Variants in MBD5 observed in about 807,000 individuals in gnomAD.
MBD5 encodes methyl-CpG-binding domain protein 5.
MBD5 carries 13 observed loss-of-function variants against 117.3 expected under a neutral mutation model. The ratio of observed to expected loss-of-function variants is 0.11; its 90% CI spans 0.07 to 0.18. The LOEUF (loss-of-function observed/expected upper bound fraction) is 0.18. MBD5 is among the 10% of genes least tolerant of loss of function. The pLI is 1.00. For synonymous variants in MBD5, 727 were observed against 766.4 expected (o/e 0.95, Z 0.85); for missense variants, 1,879 against 2,093.8 (o/e 0.90, Z 2.00).
chr2:148,081,231 C>T (rs1443262500), intron 1 of MBD5, among the ~76,000 whole-genome samples: 1 of 152,098 alleles, frequency 6.6e-6, no homozygotes, highest in African/African-American at 2.4e-5. Flanking sequence ...TCATTCCCTC[C>T]AACAGTTTGA....
intron 3 of MBD5, among the ~76,000 whole-genome samples, chr2:148,281,617 T>C (rs1490335701): frequency 6.6e-6 from 1 of 152,194 alleles, no homozygotes; most frequent in Non-Finnish European, 1.5e-5. Context: ...TTGACTTTCT[T>C]AGCTTTAGTT....
chr2:148,243,745 C>A (rs768994966), intron 3 of MBD5: 1 of 152,008 alleles, frequency 6.6e-6, no homozygotes, highest in Non-Finnish European at 1.5e-5. Flanking sequence ...GACCAACGCT[C>A]CAGGCTAGAC....
intron 1 of MBD5, among the ~76,000 whole-genome samples, chr2:148,022,308 G>A (rs1014890460): frequency 2.6e-5 from 4 of 152,034 alleles, no homozygotes; most frequent in Admixed American, 6.5e-5. Flanking sequence ...GTTGGTAGAG[G>A]CCTTTGGTTA....
In MBD5 at chr2:148,184,168, C is replaced by T. The variant is rs567478658; in HGVS notation, c.-831+5375C>T. On this transcript the variant is annotated intron_variant, in intron 2 of 13. Coordinates refer to ENST00000642680, the MANE Select transcript of MBD5 (RefSeq NM_001378120.1). ...CTGGGACTGCAGACACATGCCACCA[C>T]GCCCAGCTAATTTTTGTATTTTTTG... is the stretch of plus-strand genomic sequence containing the variant. Among the ~76,000 whole-genome samples, 14 of 152,054 alleles carry T rather than the reference C, an allele frequency of 9.2e-5. 1 individual carries two copies. Among genetic ancestry groups the T allele is most frequent in the African/African-American group, 2.7e-4 (11 of 41,472 alleles).
At chr2:148,037,947 A>T (rs1278858045) in intron 1 of MBD5, among the ~76,000 whole-genome samples, 2 of 151,976 alleles carry the variant, frequency 1.3e-5, no homozygotes, top group Admixed American at 6.5e-5. Flanking sequence ...CTATTTAGAG[A>T]ATGCAGATAC....
chr2:148,058,120 T>G (rs1284361601), intron 1 of MBD5, among the ~76,000 whole-genome samples: 2 of 152,020 alleles, frequency 1.3e-5, no homozygotes, highest in African/African-American at 4.8e-5. Context: ...CTCCCTACCC[T>G]TTACTTCATT....
chr2:148,228,631 G>A (rs1231231049), intron 2 of MBD5, among the ~76,000 whole-genome samples: 1 of 152,212 alleles, frequency 6.6e-6, no homozygotes, highest in East Asian at 1.9e-4. Flanking sequence ...CATAAAATGA[G>A]TTAGGGAGGA....
chr2:148,249,627 TG>T (rs1700419297), intron 3 of MBD5, among the ~76,000 whole-genome samples: 1 of 152,216 alleles, frequency 6.6e-6, no homozygotes, highest in South Asian at 2.1e-4. Flanking sequence ...GAATTACCAC[TG>T]ATAGTTTTCC....
chr2:148,148,624 C>A lies in MBD5; in HGVS notation c.-924-30076C>A, dbSNP rs185218934. 7.2e-5 allele frequency among the ~76,000 whole-genome samples: 11 copies of A among 152,220 alleles called. No individual in the cohort carries two copies. In the East Asian group the frequency reaches 1.9e-3, roughly 27 times the overall value. ...TATTCTCCCTAGTCCTTTGTCTATT[C>A]CTTTTTAGATGTTTTTGTTCTTCTT... On this transcript the variant is annotated intron_variant, in intron 1 of 13. Transcript: ENST00000642680.
chr2:148,460,926 A>G (rs1273418249), intron 5 of MBD5, among the ~76,000 whole-genome samples: 2 of 152,042 alleles, frequency 1.3e-5, no homozygotes, highest in Non-Finnish European at 1.5e-5. Context: ...TCAACAAGAC[A>G]TTATACTTTT....
intron 1 of MBD5, among the ~76,000 whole-genome samples, chr2:148,136,974 C>G (rs1162943865): frequency 6.6e-6 from 1 of 152,086 alleles, no homozygotes; most frequent in Non-Finnish European, 1.5e-5. Flanking sequence ...GTTGGTCAGG[C>G]TGGTCTCAAA....
rs756340161 is a variant in MBD5 at position 148,485,922 on chromosome 2, C to G, written c.3725C>G (p.Pro1242Arg). Residue 1242 changes from proline (P) to arginine (R), a missense_variant, in exon 10 of 14, where the codon CCC (proline) becomes CGC (arginine). Coordinates refer to ENST00000642680, the MANE Select transcript of MBD5 (RefSeq NM_001378120.1). ...ATTCCTTGCCCAGCTAACAATAACC[C>G]CATGGCTTGTCTGTTTCAGAACTTT... ...STIPCPANNN[P>R]MACLFQNFQV... is the part of the protein sequence containing the mutation. 6.2e-7 allele frequency: 1 copy of G among 1,614,060 alleles called. No homozygotes were observed. The highest frequency in any genetic ancestry group is 1.3e-5 in the African/African-American group (1 of 75,032).
intron 4 of MBD5, among the ~76,000 whole-genome samples, chr2:148,448,378 T>A (rs1031091003): frequency 6.6e-6 from 1 of 152,030 alleles, no homozygotes; most frequent in Non-Finnish European, 1.5e-5. Context: ...GACTTGAGTG[T>A]TCCTAGATAC....
intron 4 of MBD5, among the ~76,000 whole-genome samples, chr2:148,384,514 A>G (rs1310615506): frequency 2.0e-5 from 3 of 152,234 alleles, no homozygotes; most frequent in Non-Finnish European, 2.9e-5. Flanking sequence ...AAGAATAAAT[A>G]TCGTGAAAAT....
intron 2 of MBD5, among the ~76,000 whole-genome samples, chr2:148,213,577 G>A (rs887058398): frequency 6.6e-6 from 1 of 152,080 alleles, no homozygotes; most frequent in African/African-American, 2.4e-5. Context: ...AAAAGTACAT[G>A]CAAAACTGTG....
At chr2:148,438,542 G>T (rs146417061) in intron 4 of MBD5, among the ~76,000 whole-genome samples, 21 of 152,278 alleles carry the variant, frequency 1.4e-4, no homozygotes, top group African/African-American at 5.1e-4. Flanking sequence ...AAGAAGGAAG[G>T]ATATTTGGCT....
rs947949311 is a variant in MBD5 at position 148,437,945 on chromosome 2, T to A, written c.-556-20258T>A. 2.0e-5 allele frequency among the ~76,000 whole-genome samples: 3 copies of A among 152,154 alleles called. 1 individual carries two copies. The highest frequency in any genetic ancestry group is 7.2e-5 in the African/African-American group (3 of 41,438). On this transcript the variant is annotated intron_variant, in intron 4 of 13. Coordinates refer to ENST00000642680, the MANE Select transcript of MBD5 (RefSeq NM_001378120.1). ...AAGATCATGAGAATTTTGGTTTTTA[T>A]CTTTTAGAAATGCAGATATACAAAA...
At chr2:148,327,441 AG>A (rs1433370838) in intron 3 of MBD5, among the ~76,000 whole-genome samples, 17 of 152,016 alleles carry the variant, frequency 1.1e-4, no homozygotes, top group Middle Eastern at 3.4e-3. Context: ...TTTCCTGCAG[AG>A]GGGGGGTTCC....
chr2:148,499,327 G>A (rs945198898), intron 11 of MBD5, among the ~76,000 whole-genome samples: 2 of 152,042 alleles, frequency 1.3e-5, no homozygotes, highest in African/African-American at 4.8e-5. Flanking sequence ...TAACATATGT[G>A]TATATTTATA....
Sources: allele counts gnomAD v4.1 joint callset (sites outside exome capture counted in the v4.1 genomes callset), GRCh38; gene constraint gnomAD v4.1.1; transcripts MANE v1.5; gene names NCBI Gene and HGNC (gene_info 2026-07-23, HGNC 2026-07-21).